The following DCC variants were observed in gnomAD, a reference collection of about 807,000 sequenced individuals.
The protein encoded by DCC is DCC netrin 1 receptor.
DCC carries 58 observed loss-of-function variants against 172.5 expected under a neutral mutation model. That is an observed-to-expected ratio of 0.34 (90% CI 0.27 to 0.42). The LOEUF (loss-of-function observed/expected upper bound fraction) is 0.42. DCC is among the 10% of genes least tolerant of loss of function. The probability of loss-of-function intolerance (pLI) is 1.00; values close to 1 mark genes in which losing one functional copy is unlikely to be tolerated. For missense variants in DCC, 1,740 were observed against 1,791.0 expected (o/e 0.97, Z 0.51); for synonymous variants, 709 against 644.5 (o/e 1.10, Z -1.52).
chr18:53,287,663 C>T (rs1479971850), intron 12 of DCC, among the ~76,000 whole-genome samples: 1 of 152,094 alleles, frequency 6.6e-6, no homozygotes, highest in African/African-American at 2.4e-5. Flanking sequence ...CACATCCTTG[C>T]CAATATTGTT....
intron 5 of DCC, 116 bp downstream of exon 5, chr18:52,925,486 C>A: frequency 9.8e-7 from 1 of 1,019,006 alleles, no homozygotes; most frequent in Non-Finnish European, 1.5e-6. Context: ...ATTGCAAAGT[C>A]CCAATACTCC....
At chr18:52,852,735 G>A (rs566730904) in intron 2 of DCC, among the ~76,000 whole-genome samples, 8 of 152,134 alleles carry the variant, frequency 5.3e-5, no homozygotes, top group African/African-American at 1.9e-4. Flanking sequence ...TTGAACACTG[G>A]AAACTTCTTA....
chr18:52,415,645 G>A (rs1161294543), intron 1 of DCC, among the ~76,000 whole-genome samples: 1 of 152,110 alleles, frequency 6.6e-6, no homozygotes, highest in Non-Finnish European at 1.5e-5. Flanking sequence ...GAGGTGATTA[G>A]GGAGGCTGTA....
At chr18:52,713,533 A>G (rs2036329812) in intron 1 of DCC, among the ~76,000 whole-genome samples, 1 of 152,314 alleles carries the variant, frequency 6.6e-6, no homozygotes, top group Middle Eastern at 3.4e-3. Context: ...AGCCGGCAGC[A>G]TGAGGAAGGC....
At chr18:53,508,068 T>C (rs1216593485) in intron 27 of DCC, among the ~76,000 whole-genome samples, 24 of 152,000 alleles carry the variant, frequency 1.6e-4, no homozygotes, top group Admixed American at 1.6e-3. Flanking sequence ...AATTTTTTTG[T>C]ATTTTTAGTA....
chr18:52,522,654 C>T (rs1229709706), intron 1 of DCC, among the ~76,000 whole-genome samples: 2 of 152,166 alleles, frequency 1.3e-5, no homozygotes, highest in Non-Finnish European at 1.5e-5. Context: ...GTAATTTTAA[C>T]CACCCTTCAA....
At chr18:53,149,096 C>T (rs1443621620) in intron 7 of DCC, among the ~76,000 whole-genome samples, 4 of 151,736 alleles carry the variant, frequency 2.6e-5, no homozygotes, top group Non-Finnish European at 4.4e-5. Context: ...CTCCTGACCT[C>T]GTGATCCACC....
intron 5 of DCC, among the ~76,000 whole-genome samples, chr18:53,027,131 A>T (rs993227216): frequency 6.6e-6 from 1 of 152,128 alleles, no homozygotes; most frequent in Non-Finnish European, 1.5e-5. Flanking sequence ...TCACCATAAC[A>T]GCCTGGAAAA....
chr18:53,166,684 C>T (rs79612823), intron 8 of DCC, among the ~76,000 whole-genome samples: 223 of 152,250 alleles, frequency 1.5e-3, no homozygotes, highest in Non-Finnish European at 2.4e-3. Flanking sequence ...TTTTAAAAAG[C>T]TCATTCCTAG....
At chr18:53,231,303 A>G (rs545814878) in intron 12 of DCC, among the ~76,000 whole-genome samples, 22 of 152,208 alleles carry the variant, frequency 1.4e-4, no homozygotes, top group Admixed American at 5.2e-4. Flanking sequence ...TGGGAAATAT[A>G]TTTCTGAATG....
At chr18:53,201,644 C>T (rs1162059882) in intron 9 of DCC, among the ~76,000 whole-genome samples, 2 of 152,080 alleles carry the variant, frequency 1.3e-5, no homozygotes, top group Non-Finnish European at 2.9e-5. Flanking sequence ...TATTAGTGGA[C>T]ACATTTTTGG....
At position 53,063,532 on chromosome 18, in the gene DCC, C is replaced by A. The variant is rs878899090; in HGVS notation, c.1140+73C>A. On this transcript the variant is annotated intron_variant, in intron 6 of 28. Transcript: ENST00000442544. ...CTATTTTTTTCACTTGTTTTTATTT[C>A]TTGAAAAAAAAAAAGGTTCCTGTTG... is the stretch of plus-strand genomic sequence containing the variant. 53 of 1,183,682 alleles carry A rather than the reference C, an allele frequency of 4.5e-5. 1 individual carries two copies. Among genetic ancestry groups the A allele is most frequent in the East Asian group, 3.8e-4 (15 of 39,966 alleles). 73.3% of individuals were successfully genotyped at this position (1,183,682 alleles called of 1,614,324 possible).
At chr18:52,670,259 C>A (rs1009572058) in intron 1 of DCC, among the ~76,000 whole-genome samples, 3 of 152,154 alleles carry the variant, frequency 2.0e-5, no homozygotes, top group Admixed American at 2.0e-4. Context: ...AATTTTACCT[C>A]TTCAAAGTCA....
chr18:52,789,875 C>A (rs1273596062), intron 2 of DCC, among the ~76,000 whole-genome samples: 1 of 152,174 alleles, frequency 6.6e-6, no homozygotes, highest in African/African-American at 2.4e-5. Context: ...AGATATACTT[C>A]CCTCTTGTCT....
chr18:53,526,517 T>TA, intron 27 of DCC, 100 bp from the exon 28 acceptor site: 1 of 1,303,106 alleles, frequency 7.7e-7, no homozygotes, highest in Non-Finnish European at 1.1e-6. Context: ...AGCAATAACC[T>TA]AAAATCAATG....
chr18:52,949,250 G>A (rs1382769726), intron 5 of DCC, among the ~76,000 whole-genome samples: 2 of 152,146 alleles, frequency 1.3e-5, no homozygotes, highest in African/African-American at 4.8e-5. Context: ...AATTTGCTTT[G>A]TATCTCACAT....
At chr18:52,779,705 T>C (rs542318924) in intron 2 of DCC, among the ~76,000 whole-genome samples, 75 of 152,326 alleles carry the variant, frequency 4.9e-4, no homozygotes, top group Non-Finnish European at 9.0e-4. Context: ...TATTTCTAGT[T>C]CTAGATCCTT....
chr18:53,381,046 A>C (rs1404002201), intron 15 of DCC, among the ~76,000 whole-genome samples: 1 of 119,952 alleles, frequency 8.3e-6, no homozygotes, highest in Non-Finnish European at 1.9e-5. Flanking sequence ...TACTCAGATG[A>C]CTCGAGATTT....
chr18:52,506,478 T>C (rs565137418), intron 1 of DCC, among the ~76,000 whole-genome samples: 1 of 152,022 alleles, frequency 6.6e-6, no homozygotes, highest in Non-Finnish European at 1.5e-5. Context: ...ATATAAATGG[T>C]TAGGTTGTGT....
Sources: gnomAD v4.1 joint callset for allele counts (sites outside exome capture counted in the v4.1 genomes callset) on GRCh38, gnomAD v4.1.1 for gene constraint, MANE v1.5 for transcripts, NCBI Gene and HGNC (gene_info 2026-07-23, HGNC 2026-07-21) for gene names.